The following ST8SIA6 variants were observed in gnomAD, a reference collection of about 807,000 sequenced individuals.
ST8SIA6 encodes alpha-2,8-sialyltransferase 8F.
Under a neutral mutation model 33.6 loss-of-function variants are expected in ST8SIA6, and 39 were observed. The ratio of observed to expected loss-of-function variants is 1.16; its 90% confidence interval spans 0.90 to 1.52. ST8SIA6 has a LOEUF of 1.52. Among genes scored for constraint, ST8SIA6 ranks in the 40% most tolerant of loss-of-function variants. The pLI is 0.00. For missense variants in ST8SIA6, 441 were observed against 443.8 expected (o/e 0.99, Z 0.06); for synonymous variants, 172 against 167.2 (o/e 1.03, Z -0.22).
Position 17,320,662 on chromosome 10 carries a change from G to A in ST8SIA6, c.*216C>T, listed in dbSNP as rs543509058. On this transcript the variant is annotated 3_prime_UTR_variant, in exon 8 of 8. Coordinates refer to ENST00000377602, the MANE Select transcript of ST8SIA6 (RefSeq NM_001004470.3). ...TTTCATAAATTATAAAAATTTGTATGAGTCAGATATGGTGTCCATGTTATA... is the reference window on the plus strand; with the variant it reads ...TTTCATAAATTATAAAAATTTGTATAAGTCAGATATGGTGTCCATGTTATA... 6 of 505,558 alleles carry A rather than the reference G, an allele frequency of 1.2e-5. No homozygotes were observed. Among genetic ancestry groups the A allele is most frequent in the Non-Finnish European group, 2.0e-5 (6 of 297,314 alleles). The allele number at this position is 505,558 out of a possible 1,614,324, so 31.3% of individuals were successfully genotyped here.
At chr10:17,444,118 C>T (rs575919557) in intron 2 of ST8SIA6, among the ~76,000 whole-genome samples, 1 of 152,318 alleles carries the variant, frequency 6.6e-6, no homozygotes, top group East Asian at 1.9e-4. Flanking sequence ...ATCCTTCCTG[C>T]CTCCCCTGGG....
At chr10:17,422,556 C>G (rs1044684427) in intron 2 of ST8SIA6, among the ~76,000 whole-genome samples, 1 of 152,206 alleles carries the variant, frequency 6.6e-6, no homozygotes, top group South Asian at 2.1e-4. Flanking sequence ...ACTCCTCTCT[C>G]GCTGCCAATC....
intron 3 of ST8SIA6, among the ~76,000 whole-genome samples, chr10:17,379,140 AAAC>A (rs1850032412): frequency 2.4e-5 from 3 of 124,862 alleles, no homozygotes; most frequent in African/African-American, 1.2e-4. Flanking sequence ...AAAAAAACAA[AAAC>A]AAAAAAAACC....
rs7091114 is a variant in ST8SIA6, at chr10:17,320,385, C to T, written c.*493G>A. ...AATTTCATTCCCGAATGATCAAGAA[C>T]TTTTTGCTTAAGTATATAATTTTCT... is the stretch of plus-strand genomic sequence containing the variant. On this transcript the variant is annotated 3_prime_UTR_variant, in exon 8 of 8. Coordinates refer to ENST00000377602, the MANE Select transcript of ST8SIA6 (RefSeq NM_001004470.3). 64,140 of 154,096 alleles carry T rather than the reference C, an allele frequency of 0.42. 15,462 individuals carry two copies. The highest frequency in any genetic ancestry group is 0.67 in the African/African-American group (27,617 of 41,476). 9.5% of individuals were successfully genotyped at this position (154,096 alleles called of 1,614,324 possible).
intron 2 of ST8SIA6, among the ~76,000 whole-genome samples, chr10:17,432,445 G>C (rs74900345): frequency 2.0e-5 from 3 of 152,178 alleles, no homozygotes; most frequent in Non-Finnish European, 2.9e-5. Flanking sequence ...GATGTAATGC[G>C]TACGAATGTG....
chr10:17,378,093 C>T (rs370575162), intron 3 of ST8SIA6, among the ~76,000 whole-genome samples: 6 of 152,190 alleles, frequency 3.9e-5, no homozygotes, highest in Middle Eastern at 6.8e-3. Flanking sequence ...AAAGGCATCC[C>T]CTTAAAGAAT....
intron 2 of ST8SIA6, among the ~76,000 whole-genome samples, chr10:17,448,684 C>G (rs527317961): frequency 1.3e-5 from 2 of 152,046 alleles, no homozygotes; most frequent in South Asian, 2.1e-4. Context: ...GGCACAATCT[C>G]GGCTCACTGC....
intron 3 of ST8SIA6, among the ~76,000 whole-genome samples, chr10:17,382,189 G>A (rs1312931267): frequency 3.3e-5 from 5 of 152,148 alleles, no homozygotes; most frequent in Non-Finnish European, 5.9e-5. Flanking sequence ...ATATAAAGTT[G>A]TATTAAATTA....
At chr10:17,367,278 G>T (rs1462081691) in intron 3 of ST8SIA6, among the ~76,000 whole-genome samples, 1 of 152,164 alleles carries the variant, frequency 6.6e-6, no homozygotes, top group Non-Finnish European at 1.5e-5. Flanking sequence ...GGCAAAGGAG[G>T]AGCAAGTGTA....
chr10:17,373,990 G>T (rs986950109), intron 3 of ST8SIA6, among the ~76,000 whole-genome samples: 20 of 151,472 alleles, frequency 1.3e-4, no homozygotes, highest in African/African-American at 4.9e-4. Flanking sequence ...TAGTAAAAAT[G>T]ATAGTAAGGA....
chr10:17,414,961 C>T (rs1050669850), intron 2 of ST8SIA6, among the ~76,000 whole-genome samples: 1 of 152,014 alleles, frequency 6.6e-6, no homozygotes. Flanking sequence ...TATGTTCTGG[C>T]TCCTGCCCGT....
intron 2 of ST8SIA6, among the ~76,000 whole-genome samples, chr10:17,419,864 CACTT>C (rs1851726803): frequency 1.3e-5 from 2 of 152,220 alleles, no homozygotes; most frequent in Admixed American, 6.5e-5. Context: ...TTTTAACACA[CACTT>C]TATCTTTCCA....
chr10:17,344,626 C>T (rs1588813288), intron 4 of ST8SIA6, among the ~76,000 whole-genome samples: 1 of 151,724 alleles, frequency 6.6e-6, no homozygotes, highest in South Asian at 2.1e-4. Flanking sequence ...CAAACCACAT[C>T]ATCTGTCCTT....
In ST8SIA6 at chr10:17,323,062, T is replaced by C. The variant is rs369458565; in HGVS notation, c.728+3A>G. 279 of 1,608,912 alleles carry C rather than the reference T, an allele frequency of 1.7e-4. No homozygotes were observed. Among genetic ancestry groups the C allele is most frequent in the Non-Finnish European group, 2.3e-4 (273 of 1,176,984 alleles). ...ATCAGTTATGTAACTTGCAGCTACTTACTTCAGAGTTATGATGCTTGGATT... is the reference window on the plus strand; with the variant it reads ...ATCAGTTATGTAACTTGCAGCTACTCACTTCAGAGTTATGATGCTTGGATT... On this transcript the variant is annotated splice_donor_region_variant and intron_variant, in intron 7 of 7. Transcript: ENST00000377602.
chr10:17,359,623 A>ATTT, intron 3 of ST8SIA6, 23 bp from the exon 4 acceptor site: 1 of 1,466,602 alleles, frequency 6.8e-7, no homozygotes, highest in Non-Finnish European at 9.4e-7. Flanking sequence ...TGTCAATATA[A>ATTT]TTAGAAAATA....
chr10:17,402,822 G>GC (rs1248602502), intron 2 of ST8SIA6, among the ~76,000 whole-genome samples: 1 of 152,122 alleles, frequency 6.6e-6, no homozygotes, highest in Non-Finnish European at 1.5e-5. Flanking sequence ...TATACCTAAT[G>GC]TAAATGACAA....
rs141454685 is a variant in ST8SIA6 at position 17,393,948 on chromosome 10, T to G, written c.201-3328A>C. Among the ~76,000 whole-genome samples the G allele has an allele frequency of 3.4e-3, 524 of 152,300 alleles. 3 individuals are homozygous for G. The highest frequency in any genetic ancestry group is 0.012 in the African/African-American group (494 of 41,570). On this transcript the variant is annotated intron_variant, in intron 2 of 7. Transcript: ENST00000377602. ...CGCATCACCTTCTGTGCTTTCTGAATGTATTATACTGTCCAAGGATTTGTT... is the reference window on the plus strand; with the variant it reads ...CGCATCACCTTCTGTGCTTTCTGAAGGTATTATACTGTCCAAGGATTTGTT...
chr10:17,386,202 T>C (rs982221129), intron 3 of ST8SIA6, among the ~76,000 whole-genome samples: 13 of 128,820 alleles, frequency 1.0e-4, no homozygotes, highest in East Asian at 8.3e-4. Context: ...CACACACACA[T>C]ACACACAGGC....
At chr10:17,391,319 GT>G (rs1308856918) in intron 2 of ST8SIA6, among the ~76,000 whole-genome samples, 1 of 151,656 alleles carries the variant, frequency 6.6e-6, no homozygotes, top group East Asian at 2.0e-4. Context: ...CTGGAGTGCA[GT>G]GGTGCATCTC....
Sources: gnomAD v4.1 joint callset for allele counts (sites outside exome capture counted in the v4.1 genomes callset) on GRCh38, gnomAD v4.1.1 for gene constraint, MANE v1.5 for transcripts, NCBI Gene and HGNC (gene_info 2026-07-23, HGNC 2026-07-21) for gene names.